ZC3H3: variants seen among roughly 807,000 people sequenced by gnomAD.
ZC3H3 encodes the protein zinc finger CCCH domain-containing protein 3.
Under a neutral mutation model 77.3 loss-of-function variants are expected in ZC3H3, and 36 were observed. The observed-to-expected ratio is 0.47, with a 90% CI of 0.36 to 0.61. The LOEUF is 0.61. ZC3H3 is among the 20% of genes least tolerant of loss of function. The pLI, the probability that ZC3H3 is intolerant of heterozygous loss-of-function variation, is 0.00. For missense variants in ZC3H3, 1,331 were observed against 1,312.2 expected (o/e 1.01, Z -0.22); for synonymous variants, 626 against 555.2 (o/e 1.13, Z -1.79).
At chr8:143,485,409 C>G (rs193107067) in intron 4 of ZC3H3, among the ~76,000 whole-genome samples, 5 of 152,322 alleles carry the variant, frequency 3.3e-5, no homozygotes, top group Admixed American at 1.3e-4. Flanking sequence ...AGTCTGGGAA[C>G]AGCCCATACA....
At chr8:143,447,027 T>C (rs1020085642) in intron 9 of ZC3H3, among the ~76,000 whole-genome samples, 9 of 152,342 alleles carry the variant, frequency 5.9e-5, no homozygotes, top group African/African-American at 2.2e-4. Flanking sequence ...GGAGCTGACA[T>C]GAAGGGCACA....
At chr8:143,531,157 G>T (rs953910866) in intron 3 of ZC3H3, among the ~76,000 whole-genome samples, 1 of 151,938 alleles carries the variant, frequency 6.6e-6, no homozygotes, top group African/African-American at 2.4e-5. Context: ...ATGGGGTTTT[G>T]CCACGTTGCC....
intron 9 of ZC3H3, among the ~76,000 whole-genome samples, chr8:143,463,109 G>A (rs1399146824): frequency 5.3e-5 from 8 of 151,664 alleles, no homozygotes; most frequent in Non-Finnish European, 1.0e-4. Context: ...TCAGCCTCCC[G>A]AGTAGCTGGG....
rs369471122 is a variant in ZC3H3, at chr8:143,475,421, C to T, written c.1880G>A (p.Gly627Asp). ...SKTSGQPSDA[G>D]SRPLLRTGRL... is the part of the protein sequence containing the mutation. ...ACCTGTGCGCAGGAGGGGCCTGCTG[C>T]CCGCATCACTGGGCTGGCCGGAGGT... The change falls in exon 5 of 12, where the codon GGC becomes GAC. Residue 627 changes from glycine to aspartate, a missense_variant. Gly to Asp is a moderately conservative substitution (Grantham distance 94, BLOSUM62 -1). Around this residue, in one of 3 missense-constraint regions of ZC3H3, gnomAD observed 978 missense variants for 915.5 expected, o/e 1.07. Coordinates refer to ENST00000262577, the MANE Select transcript of ZC3H3 (RefSeq NM_015117.3). The T allele has an allele frequency of 1.9e-6, 3 of 1,612,970 alleles. No homozygotes were observed. Among genetic ancestry groups the T allele is most frequent in the Non-Finnish European group, 2.5e-6 (3 of 1,179,858 alleles).
At chr8:143,461,927 T>A (rs942699844) in intron 9 of ZC3H3, among the ~76,000 whole-genome samples, 7 of 151,126 alleles carry the variant, frequency 4.6e-5, no homozygotes, top group African/African-American at 1.7e-4. Context: ...ACCATACACC[T>A]AGAGCAGAGG....
chr8:143,448,517 A>T (rs1424445642), intron 9 of ZC3H3, among the ~76,000 whole-genome samples: 3 of 152,194 alleles, frequency 2.0e-5, no homozygotes, highest in Admixed American at 2.0e-4. Context: ...CTCCAAAATC[A>T]TCTCCTTTGA....
intron 5 of ZC3H3, among the ~76,000 whole-genome samples, chr8:143,470,183 C>G (rs1017641283): frequency 6.6e-6 from 1 of 152,210 alleles, no homozygotes; most frequent in African/African-American, 2.4e-5. Flanking sequence ...TAGCTAGGGT[C>G]AGTGGTGCTG....
intron 3 of ZC3H3, among the ~76,000 whole-genome samples, chr8:143,511,635 G>A (rs960968411): frequency 6.6e-6 from 1 of 152,134 alleles, no homozygotes; most frequent in Non-Finnish European, 1.5e-5. Flanking sequence ...GGTCCATCAG[G>A]GAGGGTCTCG....
chr8:143,507,674 C>T, intron 4 of ZC3H3, 72 bp downstream of exon 4: 2 of 1,408,044 alleles, frequency 1.4e-6, no homozygotes, highest in Non-Finnish European at 9.2e-7. Context: ...TGGATTCTAC[C>T]CTGCAGCCCT....
chr8:143,518,176 T>C (rs1184806365), intron 3 of ZC3H3, among the ~76,000 whole-genome samples: 1 of 152,152 alleles, frequency 6.6e-6, no homozygotes, highest in East Asian at 1.9e-4. Flanking sequence ...GTCAGGCTCC[T>C]GTCTGGGGGG....
intron 5 of ZC3H3, among the ~76,000 whole-genome samples, chr8:143,473,454 G>A (rs1347750302): frequency 2.0e-5 from 3 of 152,190 alleles, no homozygotes; most frequent in East Asian, 1.9e-4. Flanking sequence ...CACTAGGGAC[G>A]TCAGAGGCAG....
chr8:143,527,831 C>T (rs754321588), intron 3 of ZC3H3, among the ~76,000 whole-genome samples: 1 of 152,196 alleles, frequency 6.6e-6, no homozygotes, highest in East Asian at 1.9e-4. Flanking sequence ...GGCCAAAGCA[C>T]CCAAAGGCAC....
intron 2 of ZC3H3, 83 bp from the exon 3 acceptor site, chr8:143,536,536 G>A (rs1002909070): frequency 1.4e-5 from 19 of 1,362,050 alleles, no homozygotes; most frequent in Middle Eastern, 4.3e-4. Flanking sequence ...CCCGAGGAGC[G>A]TGGGAGCAGC....
chr8:143,440,216 T>TGAC lies in ZC3H3; in HGVS notation c.2639_2640insGTC (p.Ser881dup). ...CGTGGTCCAAGGAAGCGGGAGGGGA[T>TGAC]GAGGAGGAGGAGGAGGAGGAGGAAG... On this transcript the variant is annotated inframe_insertion, in exon 11 of 12. Coordinates refer to ENST00000262577, the MANE Select transcript of ZC3H3 (RefSeq NM_015117.3). 3 of 1,568,102 alleles carry TGAC rather than the reference T, an allele frequency of 1.9e-6. No homozygotes were observed. The highest frequency in any genetic ancestry group is 1.3e-5 in the African/African-American group (1 of 74,184).
chr8:143,491,741 G>A (rs967812289), intron 4 of ZC3H3, among the ~76,000 whole-genome samples: 8 of 152,232 alleles, frequency 5.3e-5, no homozygotes, highest in African/African-American at 1.9e-4. Flanking sequence ...GCTGCCCTCA[G>A]GGGCAGGGGA....
intron 3 of ZC3H3, among the ~76,000 whole-genome samples, chr8:143,511,797 G>T (rs1326563839): frequency 6.6e-6 from 1 of 152,216 alleles, no homozygotes; most frequent in Non-Finnish European, 1.5e-5. Context: ...TGGTGCAGAC[G>T]GGCCCAGCGC....
intron 3 of ZC3H3, among the ~76,000 whole-genome samples, chr8:143,526,591 G>A (rs1435121302): frequency 6.6e-6 from 1 of 152,194 alleles, no homozygotes; most frequent in African/African-American, 2.4e-5. Flanking sequence ...CGACCCACCT[G>A]TGGGACCACA....
intron 3 of ZC3H3, among the ~76,000 whole-genome samples, chr8:143,513,901 G>T (rs1203904361): frequency 1.3e-5 from 2 of 152,184 alleles, no homozygotes; most frequent in Non-Finnish European, 2.9e-5. Flanking sequence ...AAGGTGAAGG[G>T]CTATGGAGCA....
At chr8:143,467,964 A>G (rs1246045686) in intron 8 of ZC3H3, among the ~76,000 whole-genome samples, 1 of 152,172 alleles carries the variant, frequency 6.6e-6, no homozygotes, top group East Asian at 1.9e-4. Flanking sequence ...TGCCAGGAGA[A>G]GGGAAAAGAG....
Sources: allele counts gnomAD v4.1 joint callset (sites outside exome capture counted in the v4.1 genomes callset), GRCh38; gene constraint gnomAD v4.1.1; regional missense constraint gnomAD v4.1.1; transcripts MANE v1.5; gene names NCBI Gene and HGNC (gene_info 2026-07-23, HGNC 2026-07-21).